GATB: variants seen among roughly 807,000 people sequenced by gnomAD.
The protein encoded by GATB is glutamyl-tRNA amidotransferase subunit B.
A neutral mutation model predicts 62.3 loss-of-function variants in GATB; 39 were observed. The observed-to-expected ratio is 0.63, with a 90% CI of 0.48 to 0.82. GATB has a LOEUF of 0.82. GATB is among the 40% of genes least tolerant of loss of function. The pLI is 0.00. For synonymous variants in GATB, 276 were observed against 258.9 expected (o/e 1.07, Z -0.63); for missense variants, 670 against 684.0 (o/e 0.98, Z 0.23).
chr4:151,731,957 A>AGGTGGGGGGTC lies in GATB; in HGVS notation c.328-12420_328-12419insGACCCCCCACC, dbSNP rs1560860277. Among the ~76,000 whole-genome samples, 215 of 91,224 alleles carry AGGTGGGGGGTC rather than the reference A, an allele frequency of 2.4e-3. 42 individuals carry two copies. Among genetic ancestry groups the AGGTGGGGGGTC allele is most frequent in the South Asian group, 0.013 (42 of 3,156 alleles). The allele number at this position is 91,224 out of a possible 152,430, so 59.8% of individuals were successfully genotyped here. ...GGGCCAGCCGCCCCGTCCGGGAGGG[A>AGGTGGGGGGTC]AGTGGGGGGTCAGCCCCTGCCCGGC... On this transcript the variant is annotated intron_variant, in intron 2 of 12. Transcript: ENST00000263985.
chr4:151,714,434 TC>T (rs1404926198), intron 5 of GATB, among the ~76,000 whole-genome samples: 2 of 152,196 alleles, frequency 1.3e-5, no homozygotes, highest in Non-Finnish European at 2.9e-5. Flanking sequence ...CCCTGCAGAC[TC>T]CAGGCAGACC....
At chr4:151,722,176 G>C (rs1360521495) in intron 2 of GATB, 1 of 702,234 alleles carries the variant, frequency 1.4e-6, no homozygotes, top group Non-Finnish European at 2.6e-6. Context: ...TCTGAGGATA[G>C]GATACAGAAT....
intron 1 of GATB, 79 bp from the exon 2 acceptor site, chr4:151,759,001 GT>G: frequency 1.0e-6 from 1 of 992,170 alleles, no homozygotes; most frequent in African/African-American, 1.6e-5. Flanking sequence ...AACCACAAAT[GT>G]TAATTTCCTA....
intron 2 of GATB, among the ~76,000 whole-genome samples, chr4:151,742,990 G>A (rs1231533326): frequency 6.6e-6 from 1 of 152,082 alleles, no homozygotes; most frequent in Non-Finnish European, 1.5e-5. Context: ...TTTTCAAAAG[G>A]CTAGAGAAAT....
At chr4:151,738,097 T>G (rs1377305460) in intron 2 of GATB, among the ~76,000 whole-genome samples, 1 of 152,160 alleles carries the variant, frequency 6.6e-6, no homozygotes, top group East Asian at 1.9e-4. Flanking sequence ...GTAGATCCAC[T>G]GACAGTTTGC....
intron 3 of GATB, chr4:151,717,321 C>T (rs1403953054): frequency 5.9e-6 from 3 of 511,880 alleles, no homozygotes; most frequent in East Asian, 7.0e-5. Context: ...ATGCAATAAA[C>T]AACACGAATT....
rs762031083 is a variant in GATB, at chr4:151,758,772, C to T, written c.327G>A (p.Pro109=). The T allele has an allele frequency of 1.2e-5, 19 of 1,561,938 alleles. No individual in the cohort carries two copies. Among genetic ancestry groups the T allele is most frequent in the East Asian group, 4.6e-5 (2 of 43,738 alleles). ...AAATAGGATTAAATAAGAATCTTAC[C>T]GGCAAAGTTCCAGGTAGAGATGCAT... The part of the protein sequence containing the change: ...FFDASLPGTL[P]VLNRRCVEAA... The change falls in exon 2 of 13, where the codon CCG becomes CCA. Residue 109 remains proline, a splice_region_variant and synonymous_variant. Coordinates refer to ENST00000263985, the MANE Select transcript of GATB (RefSeq NM_004564.3).
chr4:151,708,402 AT>A (rs1254521095), intron 5 of GATB, among the ~76,000 whole-genome samples: 12 of 152,302 alleles, frequency 7.9e-5, no homozygotes, highest in Admixed American at 1.3e-4. Flanking sequence ...GAGAGATCTA[AT>A]TTTTTTGTGC....
chr4:151,682,374 C>A lies in GATB; in HGVS notation c.1332-2483G>T, dbSNP rs1333682299. On this transcript the variant is annotated intron_variant, in intron 10 of 12. Coordinates refer to ENST00000263985, the MANE Select transcript of GATB (RefSeq NM_004564.3). ...ACAGACCCCGAAAGACCCCACTCAT[C>A]GCCTAAATAAATAAACCCTCAGACT... is the stretch of plus-strand genomic sequence containing the variant. 2.0e-5 allele frequency among the ~76,000 whole-genome samples: 3 copies of A among 152,264 alleles called. No individual in the cohort carries two copies. In the East Asian group the frequency reaches 5.8e-4, roughly 29 times the overall value.
At chr4:151,749,752 T>C (rs1269533815) in intron 2 of GATB, among the ~76,000 whole-genome samples, 1 of 152,198 alleles carries the variant, frequency 6.6e-6, no homozygotes, top group Non-Finnish European at 1.5e-5. Flanking sequence ...GGGACACATC[T>C]TCCCCTCGGG....
At chr4:151,692,517 C>T (rs541728995) in intron 9 of GATB, among the ~76,000 whole-genome samples, 1 of 152,340 alleles carries the variant, frequency 6.6e-6, no homozygotes, top group Admixed American at 6.5e-5. Context: ...TACTTTCTGC[C>T]TTTGCCAGTG....
chr4:151,725,354 G>C (rs752783527), intron 2 of GATB, among the ~76,000 whole-genome samples: 56 of 152,266 alleles, frequency 3.7e-4, no homozygotes, highest in Admixed American at 5.9e-4. Flanking sequence ...GAGCAGCAAA[G>C]TGGTGTAGCA....
chr4:151,703,618 C>A, intron 8 of GATB: 1 of 559,168 alleles, frequency 1.8e-6, no homozygotes, highest in Non-Finnish European at 3.2e-6. Flanking sequence ...CAAGTTCTTC[C>A]AAAAGCTGAA....
At chr4:151,753,306 T>C (rs534841961) in intron 2 of GATB, among the ~76,000 whole-genome samples, 1 of 152,230 alleles carries the variant, frequency 6.6e-6, no homozygotes, top group East Asian at 1.9e-4. Flanking sequence ...ACCCCTTTGT[T>C]TTCACCTCAG....
At chr4:151,685,818 C>T (rs925857126) in intron 10 of GATB, among the ~76,000 whole-genome samples, 29 of 152,162 alleles carry the variant, frequency 1.9e-4, no homozygotes, top group African/African-American at 6.5e-4. Context: ...GAGGCCAAGG[C>T]GGGCTGATCA....
chr4:151,731,108 C>CCTCCCCCTCTCCCCACGGT, intron 2 of GATB, among the ~76,000 whole-genome samples: 1 of 150,096 alleles, frequency 6.7e-6, no homozygotes, highest in Non-Finnish European at 1.5e-5. Flanking sequence ...TCCCCTTCCC[C>CCTCCCCCTCTCCCCACGGT]CTCCCCCTCT....
intron 2 of GATB, chr4:151,724,045 T>A (rs939939797): frequency 7.2e-5 from 11 of 152,168 alleles, no homozygotes; most frequent in African/African-American, 2.2e-4. Flanking sequence ...ATCTAGCTCA[T>A]AAGGCAGCAT....
intron 2 of GATB, chr4:151,721,407 AGGT>A (rs1739028953): frequency 6.6e-6 from 1 of 152,212 alleles, no homozygotes; most frequent in African/African-American, 2.4e-5. Context: ...GCAGCAATAA[AGGT>A]TTTCAAGAAA....
At chr4:151,716,802 A>G in intron 4 of GATB, 74 bp downstream of exon 4, 13 of 1,352,630 alleles carry the variant, frequency 9.6e-6, no homozygotes, top group Non-Finnish European at 1.4e-5. Context: ...AGAAAACTCT[A>G]GCGGTGAAAA....
Sources: gnomAD v4.1 joint callset for allele counts (sites outside exome capture counted in the v4.1 genomes callset) on GRCh38, gnomAD v4.1.1 for gene constraint, MANE v1.5 for transcripts, NCBI Gene and HGNC (gene_info 2026-07-23, HGNC 2026-07-21) for gene names.